KPNA1: variants seen among roughly 807,000 people sequenced by gnomAD.
The protein encoded by KPNA1 is karyopherin subunit alpha 1, also known as importin subunit alpha-5.
In KPNA1, 10 loss-of-function variants were observed where a neutral mutation model predicts 70.5. The observed-to-expected ratio is 0.14, with a 90% CI of 0.09 to 0.24. The LOEUF (loss-of-function observed/expected upper bound fraction) is 0.24. Ranked by LOEUF, KPNA1 falls within the 10% of genes least tolerant of loss-of-function variation. The pLI, the probability that KPNA1 is intolerant of heterozygous loss-of-function variation, is 1.00. For synonymous variants in KPNA1, 192 were observed against 221.9 expected (o/e 0.87, Z 1.20); for missense variants, 397 against 637.9 (o/e 0.62, Z 4.07).
rs548757644 is a variant in KPNA1, at chr3:122,423,073, A to T, written c.*3912T>A. ...ATCCTGAACTGCTGGGATTACAGGC[A>T]TGAGCCACCACATCCGGCCATAAAC... On this transcript the variant is annotated 3_prime_UTR_variant, in exon 14 of 14. Transcript: ENST00000344337. 1 of 152,224 alleles carries T rather than the reference A, an allele frequency of 6.6e-6. No individual in the cohort carries two copies. The highest frequency in any genetic ancestry group is 1.5e-5 in the Non-Finnish European group (1 of 68,032). 9.4% of individuals were successfully genotyped at this position (152,224 alleles called of 1,614,324 possible). A position where few individuals can be genotyped will look rare whatever the true frequency, so the allele number is the denominator to read the frequency against.
chr3:122,437,915 C>T (rs2076010391), intron 10 of KPNA1, among the ~76,000 whole-genome samples: 1 of 152,144 alleles, frequency 6.6e-6, no homozygotes. Context: ...GAAACAAATG[C>T]AGCTATTTAT....
intron 2 of KPNA1, among the ~76,000 whole-genome samples, chr3:122,487,896 A>C (rs2076648668): frequency 6.6e-6 from 1 of 152,156 alleles, no homozygotes; most frequent in African/African-American, 2.4e-5. Context: ...AAGAGGAAAA[A>C]TTTTTTCACC....
At chr3:122,507,749 T>G (rs543391523) in intron 1 of KPNA1, among the ~76,000 whole-genome samples, 2 of 151,820 alleles carry the variant, frequency 1.3e-5, no homozygotes, top group South Asian at 2.1e-4. Context: ...AATGATTTTT[T>G]GGGGGGTTAA....
rs2076239778 is a variant in KPNA1, at chr3:122,453,943, A to G, written c.491T>C (p.Ile164Thr). 6.2e-7 allele frequency: 1 copy of G among 1,613,258 alleles called. No homozygotes were observed. The highest frequency in any genetic ancestry group is 1.3e-5 in the African/African-American group (1 of 75,042). ...IASGNSLQTR[I>T]VIQAGAVPIF... ...GGGCACAGCTCCTGCCTGAATCACAATTCGGGTCTGAAGAGAATTTCCTGA... is the reference window on the plus strand; with the variant it reads ...GGGCACAGCTCCTGCCTGAATCACAGTTCGGGTCTGAAGAGAATTTCCTGA... Residue 164 changes from isoleucine (I) to threonine (T), a missense_variant, in exon 6 of 14, where the codon ATT becomes ACT. Physicochemically the swap from Ile to Thr is moderately conservative, Grantham distance 89. Transcript: ENST00000344337.
chr3:122,436,503 A>G (rs2075990562), intron 11 of KPNA1, among the ~76,000 whole-genome samples: 1 of 152,154 alleles, frequency 6.6e-6, no homozygotes. Context: ...GCCAGCTTTA[A>G]AATTTCTCTT....
intron 4 of KPNA1, among the ~76,000 whole-genome samples, chr3:122,463,380 G>A (rs1365624987): frequency 6.6e-6 from 1 of 151,688 alleles, no homozygotes; most frequent in African/African-American, 2.4e-5. Flanking sequence ...AATTAGCTGG[G>A]GGTGGTGGCG....
At chr3:122,433,851 T>C (rs2075948307) in intron 11 of KPNA1, 63 bp from the exon 12 acceptor site, 2 of 1,286,534 alleles carry the variant, frequency 1.6e-6, no homozygotes, top group Non-Finnish European at 2.1e-6. Flanking sequence ...TTCATGATAC[T>C]AATTATAATT....
intron 8 of KPNA1, 38 bp from the exon 9 acceptor site, chr3:122,449,775 C>T: frequency 2.6e-6 from 4 of 1,566,246 alleles, no homozygotes; most frequent in Non-Finnish European, 2.6e-6. Context: ...ATTCAATAGA[C>T]TAAAAGCCAG....
chr3:122,461,606 A>C (rs1045919608), intron 4 of KPNA1, among the ~76,000 whole-genome samples: 2 of 152,194 alleles, frequency 1.3e-5, no homozygotes, highest in Non-Finnish European at 2.9e-5. Flanking sequence ...GGGGGCAAAA[A>C]ACCCCTCAAA....
At chr3:122,482,572 G>C (rs1438423170) in intron 2 of KPNA1, among the ~76,000 whole-genome samples, 3 of 152,180 alleles carry the variant, frequency 2.0e-5, no homozygotes, top group African/African-American at 7.2e-5. Flanking sequence ...ACTTTTATCT[G>C]TAGATGACAT....
intron 10 of KPNA1, among the ~76,000 whole-genome samples, chr3:122,440,582 C>T (rs1057179101): frequency 3.3e-5 from 5 of 152,236 alleles, no homozygotes; most frequent in African/African-American, 1.2e-4. Context: ...CCTCTTTCCC[C>T]TTCTTGTATC....
rs79016477 is a variant in KPNA1 at position 122,499,605 on chromosome 3, T to C, written c.-5-3035A>G. Among the ~76,000 whole-genome samples the C allele has an allele frequency of 9.2e-4, 140 of 151,936 alleles. 1 individual carries two copies. The East Asian group carries it at 0.026, about 28-fold the overall frequency. On this transcript the variant is annotated intron_variant, in intron 1 of 13. Coordinates refer to ENST00000344337, the MANE Select transcript of KPNA1 (RefSeq NM_002264.4). Reference sequence around the variant, plus strand: ...CCATCTCTACAAAAAATTTAAAAAATAAAAATCAGACAGGCTGGTGGTGTG... The same window carrying C: ...CCATCTCTACAAAAAATTTAAAAAACAAAAATCAGACAGGCTGGTGGTGTG...
intron 2 of KPNA1, among the ~76,000 whole-genome samples, chr3:122,476,211 T>C (rs1051343879): frequency 1.3e-5 from 2 of 152,278 alleles, no homozygotes; most frequent in African/African-American, 2.4e-5. Context: ...CTTCAATAAA[T>C]GGGGCTCAAA....
At chr3:122,442,205 G>C in intron 9 of KPNA1, 89 bp from the exon 10 acceptor site, 1 of 1,008,492 alleles carries the variant, frequency 9.9e-7, no homozygotes, top group Non-Finnish European at 1.5e-6. Flanking sequence ...CAAAAAAATT[G>C]TGATAGAATT....
chr3:122,438,305 T>C (rs1379387218), intron 10 of KPNA1, among the ~76,000 whole-genome samples: 1 of 152,220 alleles, frequency 6.6e-6, no homozygotes, highest in Non-Finnish European at 1.5e-5. Context: ...GAAGCTACTA[T>C]ATGCGTCCTG....
chr3:122,509,210 C>T (rs1038999223), intron 1 of KPNA1, among the ~76,000 whole-genome samples: 1 of 150,182 alleles, frequency 6.7e-6, no homozygotes, highest in African/African-American at 2.5e-5. Flanking sequence ...CATGCCACTG[C>T]ACTCACTTGG....
At chr3:122,510,544 C>T (rs781695908) in intron 1 of KPNA1, among the ~76,000 whole-genome samples, 1 of 152,110 alleles carries the variant, frequency 6.6e-6, no homozygotes, top group Admixed American at 6.5e-5. Flanking sequence ...ATATTGTAAA[C>T]ACTAAATATT....
At chr3:122,495,249 G>GC (rs2107497246) in intron 2 of KPNA1, among the ~76,000 whole-genome samples, 1 of 67,282 alleles carries the variant, frequency 1.5e-5, no homozygotes, top group East Asian at 7.9e-4. Flanking sequence ...GCGAGACTCT[G>GC]CCTCAAACAA....
At chr3:122,461,093 A>G (rs1288862856) in intron 5 of KPNA1, 131 bp downstream of exon 5, 16 of 527,614 alleles carry the variant, frequency 3.0e-5, no homozygotes, top group Non-Finnish European at 5.1e-5. Context: ...CTTGCAATGT[A>G]GTTGTCAGGA....
Sources: gnomAD v4.1 joint callset for allele counts (sites outside exome capture counted in the v4.1 genomes callset) on GRCh38, gnomAD v4.1.1 for gene constraint, MANE v1.5 for transcripts, NCBI Gene and HGNC (gene_info 2026-07-23, HGNC 2026-07-21) for gene names.